The following PRKG1 variants were observed in gnomAD, a reference collection of about 807,000 sequenced individuals.
The protein encoded by PRKG1 is protein kinase cGMP-dependent 1.
A neutral mutation model predicts 88.1 loss-of-function variants in PRKG1; 35 were observed. That is an observed-to-expected ratio of 0.40 (90% CI 0.30 to 0.53). The LOEUF (loss-of-function observed/expected upper bound fraction) is 0.53. PRKG1 is among the 20% of genes least tolerant of loss of function. The pLI is 0.59. For missense variants in PRKG1, 540 were observed against 839.8 expected (o/e 0.64, Z 4.41); for synonymous variants, 303 against 292.5 (o/e 1.04, Z -0.37).
chr10:51,902,449 C>CTA (rs1320088914), intron 4 of PRKG1, among the ~76,000 whole-genome samples: 1 of 152,040 alleles, frequency 6.6e-6, no homozygotes, highest in East Asian at 1.9e-4. Flanking sequence ...TTAATAAGTA[C>CTA]TATACACTTC....
At chr10:51,259,768 G>T (rs1170415358) in intron 2 of PRKG1, among the ~76,000 whole-genome samples, 1 of 152,112 alleles carries the variant, frequency 6.6e-6, no homozygotes, top group Non-Finnish European at 1.5e-5. Flanking sequence ...GAGCCACCGC[G>T]CCTGGCCCTC....
At chr10:52,109,162 A>C (rs1847497181) in intron 7 of PRKG1, among the ~76,000 whole-genome samples, 1 of 152,130 alleles carries the variant, frequency 6.6e-6, no homozygotes, top group African/African-American at 2.4e-5. Flanking sequence ...TTATACTCTG[A>C]AAGTCATCAC....
chr10:51,104,074 G>A (rs1322058382), intron 1 of PRKG1, among the ~76,000 whole-genome samples: 1 of 152,192 alleles, frequency 6.6e-6, no homozygotes, highest in African/African-American at 2.4e-5. Context: ...GTTTGTTTGT[G>A]TGTATATGAA....
At chr10:51,804,769 T>G in intron 4 of PRKG1, 79 bp downstream of exon 4, 1 of 1,012,932 alleles carries the variant, frequency 9.9e-7, no homozygotes, top group Non-Finnish European at 1.5e-6. Flanking sequence ...ACCCTGAATT[T>G]CAGGGTGCTT....
chr10:51,596,299 G>A (rs138476671), intron 3 of PRKG1, among the ~76,000 whole-genome samples: 2 of 152,190 alleles, frequency 1.3e-5, no homozygotes, highest in East Asian at 3.9e-4. Flanking sequence ...AATTAAATGA[G>A]CACAATTTTC....
chr10:51,659,848 G>A (rs1230873775), intron 3 of PRKG1, among the ~76,000 whole-genome samples: 2 of 152,064 alleles, frequency 1.3e-5, no homozygotes, highest in African/African-American at 4.8e-5. Flanking sequence ...AACTATAGCA[G>A]TGCTGACCAG....
At chr10:52,180,824 T>C (rs2132727433) in intron 9 of PRKG1, among the ~76,000 whole-genome samples, 1 of 152,300 alleles carries the variant, frequency 6.6e-6, no homozygotes, top group East Asian at 1.9e-4. Context: ...CATGGGGCTG[T>C]TACTCTGGCT....
chr10:51,115,226 A>T (rs1172126163), intron 1 of PRKG1, among the ~76,000 whole-genome samples: 1 of 139,100 alleles, frequency 7.2e-6, no homozygotes, highest in African/African-American at 2.6e-5. Context: ...AGGCAGGAGA[A>T]TCACTTGAAC....
intron 1 of PRKG1, among the ~76,000 whole-genome samples, chr10:51,036,768 A>G (rs1306059698): frequency 6.6e-6 from 1 of 152,208 alleles, no homozygotes; most frequent in East Asian, 1.9e-4. Flanking sequence ...ATGTTTAAAA[A>G]TATTCCAGCT....
chr10:51,079,664 A>G (rs1844055429), intron 1 of PRKG1, among the ~76,000 whole-genome samples: 1 of 134,790 alleles, frequency 7.4e-6, no homozygotes, highest in African/African-American at 2.7e-5. Flanking sequence ...GGGTTTTAGA[A>G]TAGCTAAGGC....
Position 52,255,334 on chromosome 10 carries a change from C to T in PRKG1, c.1173+3668C>T, listed in dbSNP as rs115982463. ...CCAATTTACTCTACTTTTGTCCCTG[C>T]GAGAAAGGCACCTGCTTTTCAGAAT... On this transcript the variant is annotated intron_variant, in intron 10 of 17. Coordinates refer to ENST00000373980, the MANE Select transcript of PRKG1 (RefSeq NM_006258.4). Among the ~76,000 whole-genome samples, 1,103 of 152,026 alleles carry T rather than the reference C, an allele frequency of 7.3e-3. 12 individuals carry two copies. The highest frequency in any genetic ancestry group is 0.025 in the African/African-American group (1,037 of 41,492).
At chr10:52,030,156 A>G (rs969061048) in intron 5 of PRKG1, among the ~76,000 whole-genome samples, 1 of 152,122 alleles carries the variant, frequency 6.6e-6, no homozygotes, top group Admixed American at 6.6e-5. Flanking sequence ...CTCAAGTCCT[A>G]CCATTTGCTG....
intron 3 of PRKG1, among the ~76,000 whole-genome samples, chr10:51,560,028 C>T (rs1016778761): frequency 3.9e-5 from 6 of 152,108 alleles, no homozygotes; most frequent in African/African-American, 9.7e-5. Flanking sequence ...TTTGTCACTA[C>T]GGAAGCATTG....
At chr10:51,660,130 T>A (rs201713785) in intron 3 of PRKG1, among the ~76,000 whole-genome samples, 49 of 135,728 alleles carry the variant, frequency 3.6e-4, no homozygotes, top group South Asian at 9.7e-4. Flanking sequence ...GGAAGGGAAT[T>A]AAAAAAAAAA....
At chr10:51,331,896 C>A (rs1302729751) in intron 2 of PRKG1, among the ~76,000 whole-genome samples, 3 of 152,056 alleles carry the variant, frequency 2.0e-5, no homozygotes, top group Admixed American at 6.6e-5. Flanking sequence ...GAAGAATAAT[C>A]CTGAAGGGGA....
chr10:51,589,604 C>A (rs1838257712), intron 3 of PRKG1, among the ~76,000 whole-genome samples: 1 of 152,092 alleles, frequency 6.6e-6, no homozygotes, highest in Non-Finnish European at 1.5e-5. Context: ...GCCTGGGCGA[C>A]AGAGTGAGAC....
At chr10:51,623,966 C>A (rs1437656994) in intron 3 of PRKG1, among the ~76,000 whole-genome samples, 2 of 152,132 alleles carry the variant, frequency 1.3e-5, no homozygotes, top group Non-Finnish European at 2.9e-5. Flanking sequence ...AGACACCACT[C>A]CACAACCCCT....
chr10:52,274,183 G>C (rs1457662774), intron 12 of PRKG1, among the ~76,000 whole-genome samples: 4 of 152,050 alleles, frequency 2.6e-5, no homozygotes, highest in Non-Finnish European at 5.9e-5. Context: ...TTACGAGTAA[G>C]TTCTTTAGTG....
intron 3 of PRKG1, among the ~76,000 whole-genome samples, chr10:51,537,224 C>T (rs1421107359): frequency 6.6e-6 from 1 of 152,072 alleles, no homozygotes; most frequent in Non-Finnish European, 1.5e-5. Flanking sequence ...GATTTGTTTA[C>T]TTTTTCATGT....
Sources: allele counts gnomAD v4.1 joint callset (sites outside exome capture counted in the v4.1 genomes callset), GRCh38; gene constraint gnomAD v4.1.1; transcripts MANE v1.5; gene names NCBI Gene and HGNC (gene_info 2026-07-23, HGNC 2026-07-21).